The following KIF6 variants were observed in gnomAD, a reference collection of about 807,000 sequenced individuals.
KIF6 encodes the protein kinesin family member 6, also known as kinesin-like protein KIF6.
In KIF6, 106 loss-of-function variants were observed where a neutral mutation model predicts 112.7. The ratio of observed to expected loss-of-function variants is 0.94; its 90% CI spans 0.80 to 1.11. The LOEUF (loss-of-function observed/expected upper bound fraction) is 1.11, where lower values mean the gene tolerates loss of function less well. Ranked by LOEUF, KIF6 falls within the 50% of genes least tolerant of loss-of-function variation. The pLI, the probability that KIF6 is intolerant of heterozygous loss-of-function variation, is 0.00. For synonymous variants in KIF6, 339 were observed against 339.9 expected, an observed-to-expected ratio of 1.00 and a Z score of 0.03; for missense variants, 929 against 964.0, an observed-to-expected ratio of 0.96 and a Z score of 0.48.
rs182920544 is a variant in KIF6, at chr6:39,428,466, G to A, written c.1754+2587C>T. Among the ~76,000 whole-genome samples the A allele has an allele frequency of 3.2e-4, 49 of 152,308 alleles. No individual in the cohort carries two copies. In the East Asian group the frequency reaches 4.1e-3, roughly 13 times the overall value. ...GCTTGTGAAACCCTTGGATTTACAGGCTAAAATTTGTGCAGATGTGCATAT... is the reference window on the plus strand; with the variant it reads ...GCTTGTGAAACCCTTGGATTTACAGACTAAAATTTGTGCAGATGTGCATAT... On this transcript the variant is annotated intron_variant, in intron 14 of 22. Coordinates refer to ENST00000287152, the MANE Select transcript of KIF6 (RefSeq NM_145027.6).
intron 6 of KIF6, among the ~76,000 whole-genome samples, chr6:39,597,697 A>C (rs1483849105): frequency 5.9e-5 from 9 of 152,232 alleles, no homozygotes; most frequent in Admixed American, 5.9e-4. Flanking sequence ...GCATATTGTA[A>C]TCAACCCAAG....
At chr6:39,351,201 T>TG (rs762888998) in intron 19 of KIF6, among the ~76,000 whole-genome samples, 5 of 137,520 alleles carry the variant, frequency 3.6e-5, no homozygotes, top group Non-Finnish European at 7.8e-5. Flanking sequence ...TTTTTTTTTT[T>TG]TGCAAGCACA....
intron 13 of KIF6, among the ~76,000 whole-genome samples, chr6:39,479,402 G>A (rs1436954801): frequency 6.6e-5 from 10 of 151,984 alleles, no homozygotes; most frequent in Admixed American, 6.6e-4. Context: ...AGATTAGTTG[G>A]CTGTAAGTAT....
At chr6:39,707,518 G>C (rs936388338) in intron 3 of KIF6, among the ~76,000 whole-genome samples, 4 of 152,188 alleles carry the variant, frequency 2.6e-5, no homozygotes, top group Admixed American at 1.3e-4. Flanking sequence ...AAAAATCCAA[G>C]GGGATTCACC....
At chr6:39,530,961 T>C (rs1778022621) in intron 13 of KIF6, among the ~76,000 whole-genome samples, 1 of 152,142 alleles carries the variant, frequency 6.6e-6, no homozygotes, top group Admixed American at 6.5e-5. Flanking sequence ...ACTATCCCAT[T>C]ACCTGTTGCT....
chr6:39,719,850 G>A (rs527945103), intron 2 of KIF6, among the ~76,000 whole-genome samples: 1 of 152,240 alleles, frequency 6.6e-6, no homozygotes, highest in South Asian at 2.1e-4. Flanking sequence ...GGGCATGGTG[G>A]TGCAGGCCTG....
At chr6:39,593,270 AC>A (rs1254947684) in intron 7 of KIF6, among the ~76,000 whole-genome samples, 21 of 152,232 alleles carry the variant, frequency 1.4e-4, no homozygotes, top group African/African-American at 5.1e-4. Context: ...ATAATAAAGT[AC>A]TACATAAAGA....
At chr6:39,456,721 C>G (rs1324777472) in intron 13 of KIF6, among the ~76,000 whole-genome samples, 1 of 81,234 alleles carries the variant, frequency 1.2e-5, no homozygotes, top group Non-Finnish European at 2.1e-5. Context: ...GGTTGCAATC[C>G]TAGTCTCTGA....
chr6:39,518,584 G>A (rs1441279632), intron 13 of KIF6, among the ~76,000 whole-genome samples: 1 of 152,202 alleles, frequency 6.6e-6, no homozygotes, highest in Non-Finnish European at 1.5e-5. Context: ...TACGCTGGGT[G>A]TTAGTTTGTG....
intron 13 of KIF6, among the ~76,000 whole-genome samples, chr6:39,514,768 T>TC (rs1157207707): frequency 5.3e-5 from 6 of 112,622 alleles, no homozygotes; most frequent in Admixed American, 1.8e-4. Flanking sequence ...AACTCAAGGC[T>TC]TTTTTTCCCC....
chr6:39,618,160 G>A (rs1783628189), intron 5 of KIF6, among the ~76,000 whole-genome samples: 1 of 152,122 alleles, frequency 6.6e-6, no homozygotes, highest in South Asian at 2.1e-4. Context: ...TCATGAACCT[G>A]CAATATATTT....
At chr6:39,395,366 G>A (rs146581372) in intron 15 of KIF6, among the ~76,000 whole-genome samples, 3 of 152,336 alleles carry the variant, frequency 2.0e-5, no homozygotes, top group African/African-American at 7.2e-5. Context: ...GCAAGTAGGT[G>A]AGCATTAGGA....
intron 9 of KIF6, among the ~76,000 whole-genome samples, chr6:39,581,107 C>A (rs1781263287): frequency 6.6e-6 from 1 of 151,572 alleles, no homozygotes; most frequent in Non-Finnish European, 1.5e-5. Flanking sequence ...AAGAAAAACA[C>A]CATAGGATCT....
intron 13 of KIF6, among the ~76,000 whole-genome samples, chr6:39,478,720 G>A (rs1304173774): frequency 9.4e-6 from 1 of 106,658 alleles, no homozygotes; most frequent in African/African-American, 3.5e-5. Flanking sequence ...TTTTTTTTTT[G>A]GTGGTAGAAG....
At chr6:39,644,423 T>C (rs1785060959) in intron 3 of KIF6, among the ~76,000 whole-genome samples, 1 of 152,116 alleles carries the variant, frequency 6.6e-6, no homozygotes, top group Admixed American at 6.6e-5. Flanking sequence ...AAAGTGACCG[T>C]CAGCTGATGA....
At chr6:39,465,148 G>A (rs1773711639) in intron 13 of KIF6, among the ~76,000 whole-genome samples, 4 of 152,182 alleles carry the variant, frequency 2.6e-5, no homozygotes, top group Admixed American at 2.0e-4. Context: ...AGGCGGGCGG[G>A]GATATCATAC....
At chr6:39,413,042 T>A (rs1769605752) in intron 15 of KIF6, among the ~76,000 whole-genome samples, 1 of 152,204 alleles carries the variant, frequency 6.6e-6, no homozygotes, top group Non-Finnish European at 1.5e-5. Context: ...ATGCCATTTT[T>A]ATCATTATTT....
intron 3 of KIF6, among the ~76,000 whole-genome samples, chr6:39,645,783 T>C (rs1031622652): frequency 6.6e-6 from 1 of 152,126 alleles, no homozygotes; most frequent in African/African-American, 2.4e-5. Context: ...TGGAATACTA[T>C]GCGGCCATAA....
Position 39,331,386 on chromosome 6 carries a change from C to CTCTTT in KIF6, c.*5145_*5146insAAAGA, listed in dbSNP as rs112403603. On this transcript the variant is annotated 3_prime_UTR_variant, in exon 23 of 23. Transcript: ENST00000287152. ...TTGCTTACTTGTTTATTGTCCCTCT[C>CTCTTT]TTTTTTTTTTTTTCAGAGAAGGAGT... 1 of 145,472 alleles carries CTCTTT rather than the reference C, an allele frequency of 6.9e-6. No individual in the cohort carries two copies. The highest frequency in any genetic ancestry group is 2.5e-5 in the African/African-American group (1 of 39,752). 9.0% of individuals were successfully genotyped at this position (145,472 alleles called of 1,614,324 possible).
Sources: gnomAD v4.1 joint callset for allele counts (sites outside exome capture counted in the v4.1 genomes callset) on GRCh38, gnomAD v4.1.1 for gene constraint, MANE v1.5 for transcripts, NCBI Gene and HGNC (gene_info 2026-07-23, HGNC 2026-07-21) for gene names.